The following DOCK8 variants were observed in gnomAD, a reference collection of about 807,000 sequenced individuals.
DOCK8 encodes dedicator of cytokinesis protein 8.
A neutral mutation model predicts 245.6 loss-of-function variants in DOCK8; 141 were observed. The ratio of observed to expected loss-of-function variants is 0.57; its 90% confidence interval spans 0.50 to 0.66. DOCK8 has a LOEUF of 0.66. DOCK8 is among the 30% of genes least tolerant of loss of function. The probability of loss-of-function intolerance (pLI) is 0.00; values close to 1 mark genes in which losing one functional copy is unlikely to be tolerated. For synonymous variants in DOCK8, 1,168 were observed against 970.2 expected (o/e 1.20, Z -3.79); for missense variants, 2,965 against 2,603.4 (o/e 1.14, Z -3.02).
At chr9:244,288 A>ACACACG (rs1563835706) in intron 1 of DOCK8, among the ~76,000 whole-genome samples, 2 of 151,810 alleles carry the variant, frequency 1.3e-5, no homozygotes, top group Admixed American at 1.3e-4. Context: ...ACACACACAC[A>ACACACG]CACACGCACA....
At chr9:279,625 A>G (rs1001882723) in intron 2 of DOCK8, among the ~76,000 whole-genome samples, 2 of 152,228 alleles carry the variant, frequency 1.3e-5, no homozygotes, top group Non-Finnish European at 2.9e-5. Flanking sequence ...AAGTATGTCA[A>G]GAGGGAGAGA....
At chr9:401,027 T>TCCACCACCACCACCACCACC (rs2055061026) in intron 26 of DOCK8, among the ~76,000 whole-genome samples, 1 of 113,950 alleles carries the variant, frequency 8.8e-6, no homozygotes, top group Non-Finnish European at 1.9e-5. Context: ...GACCACCTCC[T>TCCACCACCACCACCACCACC]TCACCTCCAC....
chr9:447,648 G>C (rs4741954), intron 44 of DOCK8, among the ~76,000 whole-genome samples: 3 of 151,620 alleles, frequency 2.0e-5, no homozygotes, highest in African/African-American at 7.3e-5. Context: ...CCACACCCAT[G>C]GTTCATCAGT....
At chr9:268,384 G>A (rs1244457570) in intron 1 of DOCK8, 2 of 152,158 alleles carry the variant, frequency 1.3e-5, no homozygotes, top group African/African-American at 4.8e-5. Flanking sequence ...GTGGACGACT[G>A]GAACAGAAAT....
intron 6 of DOCK8, chr9:314,464 G>C (rs13290723): frequency 6.6e-6 from 1 of 152,054 alleles, no homozygotes; most frequent in African/African-American, 2.4e-5. Flanking sequence ...ATAATGAAAC[G>C]TAGCCTGGTT....
At chr9:231,730 A>G (rs970800077) in intron 1 of DOCK8, among the ~76,000 whole-genome samples, 6 of 152,116 alleles carry the variant, frequency 3.9e-5, no homozygotes, top group African/African-American at 1.4e-4. Flanking sequence ...AATGCTTATT[A>G]TTTTTATACA....
intron 28 of DOCK8, among the ~76,000 whole-genome samples, chr9:411,005 A>C (rs1034870819): frequency 6.6e-6 from 1 of 152,258 alleles, no homozygotes; most frequent in Admixed American, 6.5e-5. Context: ...TAAAAGGTAC[A>C]AAGTACTAAA....
At chr9:368,358 C>T (rs983326121) in intron 15 of DOCK8, 2 of 714,772 alleles carry the variant, frequency 2.8e-6, no homozygotes, top group East Asian at 2.7e-5. Flanking sequence ...TTGGAACATA[C>T]AGATCATTTT....
intron 33 of DOCK8, among the ~76,000 whole-genome samples, chr9:425,584 T>A (rs1586998302): frequency 6.6e-6 from 1 of 150,910 alleles, no homozygotes. Flanking sequence ...AATGGTAAAT[T>A]TGATGTTATG....
intron 24 of DOCK8, among the ~76,000 whole-genome samples, chr9:392,440 C>T (rs929232395): frequency 1.3e-5 from 2 of 152,186 alleles, no homozygotes; most frequent in African/African-American, 4.8e-5. Context: ...GGTCCCAAAT[C>T]CTTGCCACAG....
Position 443,423 on chromosome 9 carries a change from C to A in DOCK8, c.5491-4C>A. 6.2e-7 allele frequency: 1 copy of A among 1,613,632 alleles called. No homozygotes were observed. Among genetic ancestry groups the A allele is most frequent in the Non-Finnish European group, 8.5e-7 (1 of 1,179,620 alleles). On this transcript the variant is annotated splice_polypyrimidine_tract_variant and splice_region_variant and intron_variant, in intron 42 of 47. Coordinates refer to ENST00000432829, the MANE Select transcript of DOCK8 (RefSeq NM_203447.4). The stretch of plus-strand genomic sequence containing the variant: ...TTTATAAACTGTTGGTTCTTCTTAC[C>A]TAGGCATTTTATGGTCAATGTTTTG...
chr9:343,763 T>TA (rs1452369340), intron 14 of DOCK8, among the ~76,000 whole-genome samples: 2 of 152,362 alleles, frequency 1.3e-5, no homozygotes, highest in East Asian at 3.9e-4. Flanking sequence ...TGTTTGCTTA[T>TA]GGATGCTTTG....
At chr9:376,186 C>T (rs2053507860) in intron 18 of DOCK8, 24 bp from the exon 19 acceptor site, 2 of 1,371,592 alleles carry the variant, frequency 1.5e-6, no homozygotes, top group Non-Finnish European at 2.0e-6. Context: ...GATTGCTAAT[C>T]TTTTTTTTTT....
At chr9:386,252 T>C in intron 22 of DOCK8, 79 bp from the exon 23 acceptor site, 1 of 1,216,356 alleles carries the variant, frequency 8.2e-7, no homozygotes, top group East Asian at 2.4e-5. Context: ...AAAAATGAAT[T>C]CTGAGGTTGT....
intron 14 of DOCK8, among the ~76,000 whole-genome samples, chr9:350,947 C>T (rs532460811): frequency 6.6e-6 from 1 of 152,198 alleles, no homozygotes; most frequent in South Asian, 2.1e-4. Flanking sequence ...CCCATCAGGA[C>T]AAAAATCAGT....
chr9:265,069 T>C (rs2048006101), intron 1 of DOCK8, among the ~76,000 whole-genome samples: 1 of 152,108 alleles, frequency 6.6e-6, no homozygotes, highest in Non-Finnish European at 1.5e-5. Flanking sequence ...GTAGCTGGGA[T>C]TACATGCACC....
chr9:443,037 C>T (rs1181694702), intron 42 of DOCK8, among the ~76,000 whole-genome samples: 2 of 152,172 alleles, frequency 1.3e-5, no homozygotes, highest in Non-Finnish European at 2.9e-5. Flanking sequence ...ATTGTTTCCC[C>T]TACTTAGAAT....
chr9:325,036 C>T (rs2050696093), intron 7 of DOCK8, among the ~76,000 whole-genome samples: 1 of 152,144 alleles, frequency 6.6e-6, no homozygotes, highest in East Asian at 1.9e-4. Context: ...TTTGTGTACT[C>T]ATAGCTTAGC....
intron 14 of DOCK8, among the ~76,000 whole-genome samples, chr9:357,015 C>T (rs1030746058): frequency 2.0e-5 from 3 of 152,078 alleles, no homozygotes; most frequent in African/African-American, 4.8e-5. Flanking sequence ...GACCTAAGAC[C>T]ATAAACACTC....
Sources: gnomAD v4.1 joint callset for allele counts (sites outside exome capture counted in the v4.1 genomes callset) on GRCh38, gnomAD v4.1.1 for gene constraint, MANE v1.5 for transcripts, NCBI Gene and HGNC (gene_info 2026-07-23, HGNC 2026-07-21) for gene names.